CCSER1: variants seen among roughly 807,000 people sequenced by gnomAD.
The protein encoded by CCSER1 is coiled-coil serine rich protein 1.
Under a neutral mutation model 82.0 loss-of-function variants are expected in CCSER1, and 41 were observed. The ratio of observed to expected loss-of-function variants is 0.50; its 90% CI spans 0.39 to 0.65. CCSER1 has a LOEUF of 0.65. Among genes scored for constraint, CCSER1 ranks in the 30% least tolerant of loss-of-function variants. The pLI is 0.00. For missense variants in CCSER1, 1,119 were observed against 1,064.2 expected, an observed-to-expected ratio of 1.05 and a Z score of -0.72; for synonymous variants, 414 against 383.9, an observed-to-expected ratio of 1.08 and a Z score of -0.92.
intron 5 of CCSER1, among the ~76,000 whole-genome samples, chr4:90,617,517 G>A (rs1414772974): frequency 6.6e-6 from 1 of 152,128 alleles, no homozygotes; most frequent in Admixed American, 6.5e-5. Context: ...AACAGTCAAA[G>A]AAAAATATAT....
At chr4:91,315,982 A>C (rs1355371370) in intron 10 of CCSER1, among the ~76,000 whole-genome samples, 1 of 151,978 alleles carries the variant, frequency 6.6e-6, no homozygotes, top group Non-Finnish European at 1.5e-5. Context: ...TAATTTAATC[A>C]TAAGGGTGGG....
At chr4:90,882,968 A>C (rs1290523175) in intron 8 of CCSER1, among the ~76,000 whole-genome samples, 6 of 152,098 alleles carry the variant, frequency 3.9e-5, no homozygotes, top group African/African-American at 1.4e-4. Context: ...CTTTATGTTT[A>C]GAACATTTTA....
At chr4:91,373,577 T>A (rs1388730569) in intron 10 of CCSER1, among the ~76,000 whole-genome samples, 2 of 152,178 alleles carry the variant, frequency 1.3e-5, no homozygotes, top group African/African-American at 2.4e-5. Flanking sequence ...CTCCACGGAC[T>A]TGCCTTTCCT....
intron 1 of CCSER1, among the ~76,000 whole-genome samples, chr4:90,297,744 G>T (rs559762185): frequency 1.3e-5 from 2 of 152,148 alleles, no homozygotes; most frequent in East Asian, 3.9e-4. Context: ...TGCATCTATT[G>T]AGAAAATCAT....
At chr4:91,461,409 CA>C (rs1483906711) in intron 10 of CCSER1, among the ~76,000 whole-genome samples, 8 of 151,898 alleles carry the variant, frequency 5.3e-5, no homozygotes, top group Admixed American at 3.3e-4. Flanking sequence ...CACACAGGTA[CA>C]AAGTGGCACA....
intron 5 of CCSER1, among the ~76,000 whole-genome samples, chr4:90,584,211 T>C (rs1781738361): frequency 6.6e-6 from 1 of 152,186 alleles, no homozygotes; most frequent in Admixed American, 6.5e-5. Flanking sequence ...GGAGATTATC[T>C]AGTTTTGCTT....
chr4:91,406,331 C>G (rs1462068266), intron 10 of CCSER1, among the ~76,000 whole-genome samples: 1 of 152,154 alleles, frequency 6.6e-6, no homozygotes, highest in African/African-American at 2.4e-5. Flanking sequence ...AGCAGGGTCT[C>G]TTTTACTCCA....
At position 91,600,453 on chromosome 4, in the gene CCSER1, A is replaced by G. The variant is rs933404342; in HGVS notation, c.*1396A>G. 6.6e-6 allele frequency: 1 copy of G among 152,150 alleles called. No individual in the cohort carries two copies. Among genetic ancestry groups the G allele is most frequent in the Non-Finnish European group, 1.5e-5 (1 of 68,016 alleles). 9.4% of individuals were successfully genotyped at this position (152,150 alleles called of 1,614,324 possible). A position where few individuals can be genotyped will look rare whatever the true frequency, so the allele number is the denominator to read the frequency against. On this transcript the variant is annotated 3_prime_UTR_variant, in exon 11 of 11. Transcript: ENST00000509176. The stretch of plus-strand genomic sequence containing the variant: ...AGTCCATGCAAATTGAAACTGTCAT[A>G]CCTACTGCATGATCTGTTTCCCTTG...
At chr4:91,243,629 C>T (rs1739546343) in intron 10 of CCSER1, among the ~76,000 whole-genome samples, 1 of 152,092 alleles carries the variant, frequency 6.6e-6, no homozygotes, top group South Asian at 2.1e-4. Context: ...CATTCCAAAC[C>T]CTAGCTCCCA....
chr4:90,608,232 G>A (rs1370755919), intron 5 of CCSER1, among the ~76,000 whole-genome samples: 1 of 152,162 alleles, frequency 6.6e-6, no homozygotes, highest in Non-Finnish European at 1.5e-5. Context: ...CAAGGCTACA[G>A]TAGTGGTGTT....
At chr4:90,429,170 T>C (rs1045464766) in intron 4 of CCSER1, among the ~76,000 whole-genome samples, 4 of 151,846 alleles carry the variant, frequency 2.6e-5, no homozygotes, top group Non-Finnish European at 5.9e-5. Context: ...AGTCTATTAA[T>C]GTAAAGAAAA....
intron 10 of CCSER1, among the ~76,000 whole-genome samples, chr4:91,281,771 T>G (rs1742928028): frequency 6.6e-6 from 1 of 152,202 alleles, no homozygotes; most frequent in South Asian, 2.1e-4. Context: ...ATAAATATAT[T>G]ACTTTCTCAT....
intron 7 of CCSER1, among the ~76,000 whole-genome samples, chr4:90,794,626 A>C (rs569314308): frequency 2.0e-5 from 3 of 152,076 alleles, no homozygotes; most frequent in Non-Finnish European, 4.4e-5. Flanking sequence ...TTTGCTTACA[A>C]TTGCCTTTGA....
At chr4:91,308,146 G>A (rs1022815782) in intron 10 of CCSER1, among the ~76,000 whole-genome samples, 31 of 151,960 alleles carry the variant, frequency 2.0e-4, no homozygotes, top group African/African-American at 6.5e-4. Flanking sequence ...ATTTGAAAGT[G>A]TAGATGAACG....
intron 10 of CCSER1, among the ~76,000 whole-genome samples, chr4:91,480,356 C>T (rs1023565003): frequency 6.6e-6 from 1 of 152,188 alleles, no homozygotes; most frequent in East Asian, 1.9e-4. Context: ...CACAGTCCCA[C>T]CAACAGTGTA....
At chr4:90,813,051 C>T (rs1758555074) in intron 7 of CCSER1, among the ~76,000 whole-genome samples, 1 of 152,138 alleles carries the variant, frequency 6.6e-6, no homozygotes, top group Non-Finnish European at 1.5e-5. Flanking sequence ...CACAACAGTC[C>T]CCCAAAGTCT....
intron 5 of CCSER1, among the ~76,000 whole-genome samples, chr4:90,570,485 G>A (rs1477873485): frequency 1.1e-4 from 17 of 152,124 alleles, no homozygotes; most frequent in Non-Finnish European, 2.9e-5. Flanking sequence ...CAGACCACCT[G>A]CAGACATACC....
At chr4:90,557,125 C>G (rs1778241446) in intron 5 of CCSER1, among the ~76,000 whole-genome samples, 1 of 151,696 alleles carries the variant, frequency 6.6e-6, no homozygotes, top group African/African-American at 2.4e-5. Flanking sequence ...TTTATAACTT[C>G]CAGTGTTTCA....
At chr4:91,580,265 T>TTTG (rs1239587640) in intron 10 of CCSER1, among the ~76,000 whole-genome samples, 1 of 151,872 alleles carries the variant, frequency 6.6e-6, no homozygotes, top group Non-Finnish European at 1.5e-5. Context: ...TATCCTTATT[T>TTTG]TTGTTATAGA....
Sources: gnomAD v4.1 joint callset for allele counts (sites outside exome capture counted in the v4.1 genomes callset) on GRCh38, gnomAD v4.1.1 for gene constraint, MANE v1.5 for transcripts, NCBI Gene and HGNC (gene_info 2026-07-23, HGNC 2026-07-21) for gene names.